Variants in KIF16B observed in about 807,000 individuals in gnomAD.
The protein encoded by KIF16B is kinesin family member 16B, also known as kinesin-like protein KIF16B.
In KIF16B, 98 loss-of-function variants were observed where a neutral mutation model predicts 156.3. The ratio of observed to expected loss-of-function variants is 0.63; its 90% CI spans 0.53 to 0.74. The LOEUF (loss-of-function observed/expected upper bound fraction) is 0.74. Among genes scored for constraint, KIF16B ranks in the 30% least tolerant of loss-of-function variants. KIF16B has a pLI of 0.00. For missense variants in KIF16B, 1,421 were observed against 1,606.5 expected, an observed-to-expected ratio of 0.88 and a Z score of 1.97; for synonymous variants, 564 against 583.7, an observed-to-expected ratio of 0.97 and a Z score of 0.49.
chr20:16,544,521 C>T (rs1391094908), intron 1 of KIF16B, among the ~76,000 whole-genome samples: 1 of 145,992 alleles, frequency 6.8e-6, no homozygotes, highest in Non-Finnish European at 1.5e-5. Flanking sequence ...ACAGGAGAGT[C>T]GCTTGAACCT....
chr20:16,356,538 A>G, intron 22 of KIF16B, 86 bp from the exon 23 acceptor site: 1 of 1,474,352 alleles, frequency 6.8e-7, no homozygotes, highest in East Asian at 2.3e-5. Context: ...GAGGGAGAAA[A>G]TGTGTTTCAA....
chr20:16,369,070 T>C (rs2064751981), intron 22 of KIF16B: 2 of 985,882 alleles, frequency 2.0e-6, no homozygotes, highest in Non-Finnish European at 2.4e-6. Context: ...TACTGAGGAC[T>C]GATCCCTCTG....
At position 16,379,932 on chromosome 20, in the gene KIF16B, G is replaced by T; in HGVS notation, c.2070C>A (p.Ile690=). 6.2e-7 allele frequency: 1 copy of T among 1,614,142 alleles called. No homozygotes were observed. Among genetic ancestry groups the T allele is most frequent in the South Asian group, 1.1e-5 (1 of 91,070 alleles). The part of the protein sequence containing the change: ...EEERLREQQE[I]ELQKKRQEEE... The stretch of plus-strand genomic sequence containing the variant: ...CTTCTTGTCTCTTCTTCTGCAGCTC[G>T]ATTTCCTGCTGTTCCCTCAGCCTCT... The change falls in exon 19 of 26, where the codon ATC becomes ATA. Residue 690 remains isoleucine, a synonymous_variant. Coordinates refer to ENST00000354981, the MANE Select transcript of KIF16B (RefSeq NM_024704.5).
chr20:16,371,399 TAACATGGTGGTAGAAACCC>T (rs2064814324), intron 21 of KIF16B, among the ~76,000 whole-genome samples: 1 of 151,970 alleles, frequency 6.6e-6, no homozygotes, highest in Middle Eastern at 3.2e-3. Context: ...CAAGCCTGGC[TAACATGGTGGTAGAAACCC>T]TGTTTCTACT....
chr20:16,370,128 T>C (rs941030400), intron 22 of KIF16B, among the ~76,000 whole-genome samples: 1 of 152,160 alleles, frequency 6.6e-6, no homozygotes, highest in Non-Finnish European at 1.5e-5. Flanking sequence ...AGAATACCAG[T>C]GAAACCTTAC....
intron 12 of KIF16B, among the ~76,000 whole-genome samples, chr20:16,479,464 G>C (rs6044002): frequency 0.86 from 130,714 of 151,982 alleles, 56,564 homozygotes; most frequent in African/African-American, 0.95. Context: ...CACCACAGCA[G>C]ATGTTTACCT....
rs148341971 is a variant in KIF16B at position 16,449,126 on chromosome 20, G to A, written c.1303-19144C>T. On this transcript the variant is annotated intron_variant, in intron 12 of 25. Transcript: ENST00000354981. The stretch of plus-strand genomic sequence containing the variant: ...ATGGAAATTGTCAATGAAACGTAAT[G>A]GGAACTGCAGAGGAAAGCGAAAGAA... Among the ~76,000 whole-genome samples, 158 of 152,140 alleles carry A rather than the reference G, an allele frequency of 1.0e-3. 2 individuals are homozygous for A. The highest frequency in any genetic ancestry group is 9.0e-3 in the Admixed American group (138 of 15,288).
intron 12 of KIF16B, among the ~76,000 whole-genome samples, chr20:16,470,235 ATTCTT>A (rs1248641740): frequency 1.6e-4 from 24 of 152,208 alleles, no homozygotes; most frequent in Admixed American, 1.6e-3. Flanking sequence ...CAGTGAAACT[ATTCTT>A]TATGATGTTA....
intron 1 of KIF16B, among the ~76,000 whole-genome samples, chr20:16,531,652 T>C (rs1056830853): frequency 1.3e-5 from 2 of 152,104 alleles, no homozygotes; most frequent in African/African-American, 4.8e-5. Context: ...ATCGGTAAAA[T>C]CCAGCCTGTG....
chr20:16,478,755 A>G (rs2067891230), intron 12 of KIF16B, among the ~76,000 whole-genome samples: 1 of 152,206 alleles, frequency 6.6e-6, no homozygotes, highest in Admixed American at 6.5e-5. Context: ...TAATTGTTTA[A>G]CTATCAGCTA....
At chr20:16,362,545 C>G (rs554107749) in intron 22 of KIF16B, among the ~76,000 whole-genome samples, 32 of 152,260 alleles carry the variant, frequency 2.1e-4, no homozygotes, top group African/African-American at 4.8e-4. Flanking sequence ...ATATATATTT[C>G]TAGCATAGTC....
intron 1 of KIF16B, among the ~76,000 whole-genome samples, chr20:16,555,410 C>T (rs2070811550): frequency 6.6e-6 from 1 of 152,158 alleles, no homozygotes; most frequent in African/African-American, 2.4e-5. Flanking sequence ...CACATGCATG[C>T]CTCTGCCACA....
intron 15 of KIF16B, among the ~76,000 whole-genome samples, chr20:16,411,124 T>C (rs1462800057): frequency 1.3e-5 from 2 of 152,142 alleles, no homozygotes; most frequent in African/African-American, 4.8e-5. Flanking sequence ...TTCCTAAATG[T>C]CTGCAACCAG....
intron 23 of KIF16B, among the ~76,000 whole-genome samples, chr20:16,349,922 G>A (rs2064303178): frequency 6.6e-6 from 1 of 152,216 alleles, no homozygotes; most frequent in Admixed American, 6.5e-5. Context: ...CAATGGAAAG[G>A]AGAATGGCTG....
chr20:16,284,901 G>A (rs566386993), intron 25 of KIF16B, among the ~76,000 whole-genome samples: 1 of 152,272 alleles, frequency 6.6e-6, no homozygotes, highest in East Asian at 1.9e-4. Flanking sequence ...TGAGACTCAG[G>A]GTGAGCACGC....
Position 16,427,171 on chromosome 20 carries a change from T to C in KIF16B, c.1545A>G (p.Ile515Met). 6.2e-7 allele frequency: 1 copy of C among 1,612,244 alleles called. No homozygotes were observed. Among genetic ancestry groups the C allele is most frequent in the South Asian group, 1.1e-5 (1 of 90,918 alleles). The change falls in exon 15 of 26, where the codon ATA (isoleucine) becomes ATG (methionine). Residue 515 changes from isoleucine to methionine, a missense_variant. Coordinates refer to ENST00000354981, the MANE Select transcript of KIF16B (RefSeq NM_024704.5). ...FENIGGTVTL[I>M]PLSGSQCSVN... ...CAGAGCACTGGGACCCACTCAGGGG[T>C]ATCAGAGTCACTGTCCCCCCGATAT...
At chr20:16,547,259 C>T (rs993253878) in intron 1 of KIF16B, among the ~76,000 whole-genome samples, 6 of 152,138 alleles carry the variant, frequency 3.9e-5, no homozygotes, top group Non-Finnish European at 7.4e-5. Context: ...GCCACCATGG[C>T]CAGAGGCAGG....
chr20:16,489,055 A>G (rs1245911328), intron 12 of KIF16B, among the ~76,000 whole-genome samples: 3 of 152,238 alleles, frequency 2.0e-5, no homozygotes, highest in African/African-American at 4.8e-5. Context: ...CTGGAAAGCC[A>G]TTAGGAACAG....
chr20:16,528,682 T>C (rs2069639125), intron 1 of KIF16B, among the ~76,000 whole-genome samples: 1 of 152,088 alleles, frequency 6.6e-6, no homozygotes, highest in Non-Finnish European at 1.5e-5. Flanking sequence ...CCTGAAAGAA[T>C]TTCCAATTGT....
Sources: gnomAD v4.1 joint callset for allele counts (sites outside exome capture counted in the v4.1 genomes callset) on GRCh38, gnomAD v4.1.1 for gene constraint, MANE v1.5 for transcripts, NCBI Gene and HGNC (gene_info 2026-07-23, HGNC 2026-07-21) for gene names.